The following NTRK3 variants were observed in gnomAD, a reference collection of about 807,000 sequenced individuals.
NTRK3 encodes neurotrophic receptor tyrosine kinase 3.
A neutral mutation model predicts 91.7 loss-of-function variants in NTRK3; 24 were observed. The observed-to-expected ratio is 0.26, with a 90% confidence interval of 0.19 to 0.37. The LOEUF is 0.37. Among genes scored for constraint, NTRK3 ranks in the 10% least tolerant of loss-of-function variants. The probability of loss-of-function intolerance (pLI) is 1.00; values close to 1 mark genes in which losing one functional copy is unlikely to be tolerated. For synonymous variants in NTRK3, 483 were observed against 404.0 expected (o/e 1.20, Z -2.34); for missense variants, 880 against 1,068.9 (o/e 0.82, Z 2.46).
exon 19 of NTRK3, chr15:87,874,693 C>T (rs565980564): frequency 8.6e-5 from 20 of 232,564 alleles, no homozygotes; most frequent in East Asian, 3.6e-4. Context: ...TTCCCTCAGG[C>T]GCCTCCAGAC....
intron 13 of NTRK3, among the ~76,000 whole-genome samples, chr15:88,080,056 A>G (rs1484420768): frequency 6.6e-6 from 1 of 152,170 alleles, no homozygotes; most frequent in East Asian, 1.9e-4. Flanking sequence ...TAATGGTTTC[A>G]TGGTGTTTCA....
chr15:88,009,363 T>C (rs2076711380), intron 14 of NTRK3, among the ~76,000 whole-genome samples: 1 of 151,438 alleles, frequency 6.6e-6, no homozygotes, highest in Non-Finnish European at 1.5e-5. Flanking sequence ...CAGAAAGAGT[T>C]GGGTGTAAGA....
intron 13 of NTRK3, among the ~76,000 whole-genome samples, chr15:88,089,844 C>T (rs1413147820): frequency 6.6e-6 from 1 of 152,152 alleles, no homozygotes; most frequent in Non-Finnish European, 1.5e-5. Flanking sequence ...TGCGTTACAC[C>T]CTCCACAGTC....
At chr15:87,916,446 C>G in intron 17 of NTRK3, 1 of 696,952 alleles carries the variant, frequency 1.4e-6, no homozygotes, top group South Asian at 1.5e-5. Flanking sequence ...CAGCCTTTTC[C>G]TCTCCTTTCC....
At chr15:87,888,277 C>T (rs1004326707) in intron 17 of NTRK3, among the ~76,000 whole-genome samples, 5 of 152,178 alleles carry the variant, frequency 3.3e-5, no homozygotes, top group Non-Finnish European at 7.3e-5. Context: ...AATGACCACT[C>T]CTGGTACACT....
intron 15 of NTRK3, among the ~76,000 whole-genome samples, chr15:87,937,669 T>C (rs984362530): frequency 6.6e-6 from 1 of 152,120 alleles, no homozygotes; most frequent in Non-Finnish European, 1.5e-5. Context: ...TGAAGATAAA[T>C]CAATTTTATT....
chr15:88,131,194 A>G (rs1483438649), intron 10 of NTRK3, among the ~76,000 whole-genome samples: 1 of 152,230 alleles, frequency 6.6e-6, no homozygotes, highest in Non-Finnish European at 1.5e-5. Flanking sequence ...GGAATGCACT[A>G]TATCAATACT....
At chr15:88,061,808 G>T (rs1159942520) in intron 13 of NTRK3, among the ~76,000 whole-genome samples, 1 of 152,152 alleles carries the variant, frequency 6.6e-6, no homozygotes, top group East Asian at 1.9e-4. Context: ...CCAGTCTGTG[G>T]AGGCACTCAG....
At chr15:87,985,652 G>A (rs1243157400) in intron 14 of NTRK3, among the ~76,000 whole-genome samples, 4 of 152,184 alleles carry the variant, frequency 2.6e-5, no homozygotes, top group East Asian at 1.9e-4. Flanking sequence ...CAGATGCTCA[G>A]AGGGAGGGGG....
chr15:88,122,360 A>G (rs748448890), intron 13 of NTRK3, among the ~76,000 whole-genome samples: 5 of 152,170 alleles, frequency 3.3e-5, no homozygotes, highest in Non-Finnish European at 7.4e-5. Flanking sequence ...TCTGGGAGAC[A>G]GCCATGAGGG....
chr15:88,221,244 C>T (rs774800538), intron 3 of NTRK3, among the ~76,000 whole-genome samples: 6 of 152,194 alleles, frequency 3.9e-5, no homozygotes, highest in Non-Finnish European at 8.8e-5. Flanking sequence ...CATCTTCAGC[C>T]TGAAAGCATT....
intron 5 of NTRK3, among the ~76,000 whole-genome samples, chr15:88,175,126 G>A (rs970484843): frequency 1.3e-5 from 2 of 152,220 alleles, no homozygotes; most frequent in African/African-American, 4.8e-5. Context: ...TACAGCCTCT[G>A]TCATTCCTGG....
At chr15:88,095,799 T>C (rs1024374695) in intron 13 of NTRK3, among the ~76,000 whole-genome samples, 2 of 152,090 alleles carry the variant, frequency 1.3e-5, no homozygotes, top group Non-Finnish European at 1.5e-5. Context: ...CCACAAGAAG[T>C]TGCAAAAATA....
rs903094352 is a variant in NTRK3, at chr15:88,192,008, G to A, written c.249-7709C>T. Among the ~76,000 whole-genome samples, 10 of 152,208 alleles carry A rather than the reference G, an allele frequency of 6.6e-5. No individual in the cohort carries two copies. The South Asian group carries it at 1.7e-3, about 25-fold the overall frequency. On this transcript the variant is annotated intron_variant, in intron 3 of 18. Transcript: ENST00000394480. ...CACACAAGCCTACAAGCAGCTGTGCGCCAAGGACCACGGTGAACCAGCCCC... is the reference window on the plus strand; with the variant it reads ...CACACAAGCCTACAAGCAGCTGTGCACCAAGGACCACGGTGAACCAGCCCC...
At chr15:88,064,063 T>A in intron 13 of NTRK3, among the ~76,000 whole-genome samples, 1 of 152,096 alleles carries the variant, frequency 6.6e-6, no homozygotes, top group South Asian at 2.1e-4. Context: ...GATGTCCTTA[T>A]AAAAGACAGA....
In NTRK3 at chr15:88,234,104, G is replaced by A. The variant is rs189986044; in HGVS notation, c.248+21802C>T. Reference sequence around the variant, plus strand: ...ATGGCAAAGGAGGTCCACAGTCACCGTCCTGTGCCAGGCCAGCCTGCCAGG... The same window carrying A: ...ATGGCAAAGGAGGTCCACAGTCACCATCCTGTGCCAGGCCAGCCTGCCAGG... On this transcript the variant is annotated intron_variant, in intron 3 of 18. Transcript: ENST00000394480. This position sits in a 1 kb window ranked among gnomAD's most constrained non-coding sequence, Gnocchi z 6.1. 5.4e-4 allele frequency among the ~76,000 whole-genome samples: 82 copies of A among 152,196 alleles called. 1 individual carries two copies. The East Asian group carries it at 0.013, about 24-fold the overall frequency.
intron 13 of NTRK3, among the ~76,000 whole-genome samples, chr15:88,066,363 A>G (rs1023288659): frequency 6.6e-6 from 1 of 152,180 alleles, no homozygotes; most frequent in African/African-American, 2.4e-5. Flanking sequence ...CTGGATGTGA[A>G]GGTCACACTT....
At chr15:88,221,303 T>TGGA (rs2050213417) in intron 3 of NTRK3, among the ~76,000 whole-genome samples, 2 of 152,230 alleles carry the variant, frequency 1.3e-5, no homozygotes, top group Admixed American at 1.3e-4. Context: ...GATGGACAAC[T>TGGA]TGAATCCTAG....
intron 6 of NTRK3, among the ~76,000 whole-genome samples, chr15:88,142,265 T>C (rs977767277): frequency 2.0e-5 from 3 of 152,252 alleles, no homozygotes; most frequent in Non-Finnish European, 4.4e-5. Flanking sequence ...ACCTAAAGCA[T>C]GGCTTTCCAT....
Sources: allele counts gnomAD v4.1 joint callset (sites outside exome capture counted in the v4.1 genomes callset), GRCh38; gene constraint gnomAD v4.1.1; non-coding constraint Gnocchi (gnomAD v3.1); transcripts MANE v1.5; gene names NCBI Gene and HGNC (gene_info 2026-07-23, HGNC 2026-07-21).